TAFA2: variants seen among roughly 807,000 people sequenced by gnomAD.
The protein encoded by TAFA2 is chemokine-like protein TAFA-2.
In TAFA2, 7 loss-of-function variants were observed where a neutral mutation model predicts 18.8. The ratio of observed to expected loss-of-function variants is 0.37; its 90% CI spans 0.21 to 0.70. TAFA2 has a LOEUF of 0.70. Among genes scored for constraint, TAFA2 ranks in the 30% least tolerant of loss-of-function variants. TAFA2 has a pLI of 0.53. For synonymous variants in TAFA2, 60 were observed against 54.2 expected (o/e 1.11, Z -0.47); for missense variants, 122 against 158.1 (o/e 0.77, Z 1.23).
At chr12:61,779,888 A>G (rs914447369) in intron 2 of TAFA2, among the ~76,000 whole-genome samples, 1 of 151,656 alleles carries the variant, frequency 6.6e-6, no homozygotes. Flanking sequence ...TTCCCTTTTT[A>G]TGACTATAAA....
chr12:61,743,650 C>A (rs2120711513), intron 4 of TAFA2, among the ~76,000 whole-genome samples: 1 of 152,196 alleles, frequency 6.6e-6, no homozygotes, highest in Non-Finnish European at 1.5e-5. Context: ...CCACTACTCA[C>A]AGGTGAAGTG....
chr12:62,128,580 C>T (rs944409425), intron 1 of TAFA2, among the ~76,000 whole-genome samples: 21 of 152,026 alleles, frequency 1.4e-4, no homozygotes, highest in Admixed American at 1.3e-3. Context: ...CTGTTCCGCT[C>T]ACCATTCTCA....
intron 1 of TAFA2, among the ~76,000 whole-genome samples, chr12:61,895,798 C>T (rs781631829): frequency 1.1e-4 from 17 of 151,380 alleles, no homozygotes; most frequent in South Asian, 4.2e-4. Flanking sequence ...ACTGGATGAA[C>T]GAGTGAATGA....
At chr12:62,073,964 T>TATA (rs1157601598) in intron 1 of TAFA2, among the ~76,000 whole-genome samples, 1 of 152,256 alleles carries the variant, frequency 6.6e-6, no homozygotes, top group African/African-American at 2.4e-5. Context: ...TGTGCCATAG[T>TATA]ATACAATACA....
intron 1 of TAFA2, among the ~76,000 whole-genome samples, chr12:62,082,760 C>A (rs1218459970): frequency 6.6e-6 from 1 of 152,152 alleles, no homozygotes; most frequent in Non-Finnish European, 1.5e-5. Context: ...GTCACCAACT[C>A]ATCACAGTGG....
chr12:61,960,514 A>G (rs955467049), intron 1 of TAFA2, among the ~76,000 whole-genome samples: 1 of 152,068 alleles, frequency 6.6e-6, no homozygotes, highest in African/African-American at 2.4e-5. Context: ...TCCTGTGAGA[A>G]ATGCTTTACC....
intron 1 of TAFA2, among the ~76,000 whole-genome samples, chr12:62,185,100 T>C (rs1375476459): frequency 1.3e-5 from 2 of 152,244 alleles, no homozygotes; most frequent in South Asian, 2.1e-4. Context: ...TCTGAATGTA[T>C]ATTTATAAGC....
intron 1 of TAFA2, among the ~76,000 whole-genome samples, chr12:62,039,234 C>T (rs535124492): frequency 5.3e-5 from 8 of 152,294 alleles, no homozygotes; most frequent in Middle Eastern, 3.4e-3. Context: ...GTATGGTAAA[C>T]TCTATGCACC....
intron 4 of TAFA2, among the ~76,000 whole-genome samples, chr12:61,737,389 TG>T (rs1868321837): frequency 6.6e-6 from 1 of 151,958 alleles, no homozygotes; most frequent in Admixed American, 6.6e-5. Context: ...TTGACTAAAA[TG>T]GAATGTGTCC....
At chr12:62,197,522 TG>T (rs991646599), upstream of TAFA2, among the ~76,000 whole-genome samples, 9 of 152,204 alleles carry the variant, frequency 5.9e-5, no homozygotes, top group Non-Finnish European at 1.2e-4. Context: ...TTTTGACACA[TG>T]GGTATATCTG....
At chr12:61,971,769 T>C (rs570932503) in intron 1 of TAFA2, among the ~76,000 whole-genome samples, 83 of 150,436 alleles carry the variant, frequency 5.5e-4, no homozygotes, top group Non-Finnish European at 1.1e-3. Context: ...AAATACCTAA[T>C]GTAAATGACG....
rs190347495 is a variant in TAFA2, at chr12:62,116,119, G to C, written c.-2+75140C>G. Among the ~76,000 whole-genome samples the C allele has an allele frequency of 1.9e-3, 296 of 152,286 alleles. 2 individuals are homozygous for C. Among genetic ancestry groups the C allele is most frequent in the Non-Finnish European group, 2.6e-4 (18 of 68,020 alleles). On this transcript the variant is annotated intron_variant, in intron 1 of 4. Coordinates refer to ENST00000416284, the MANE Select transcript of TAFA2 (RefSeq NM_178539.5). ...TCACAAAATTTGGAGGGTGTGCTTG[G>C]AACTCTTTGACTTCAAATACGTACA...
At chr12:61,890,378 C>G (rs1258224333) in intron 1 of TAFA2, 1 of 152,250 alleles carries the variant, frequency 6.6e-6, no homozygotes, top group Non-Finnish European at 1.5e-5. Flanking sequence ...CTTCATACAT[C>G]ACAGCTTCCC....
At chr12:62,243,484 T>G (rs757975243) in intron 1 of TAFA2, among the ~76,000 whole-genome samples, 13 of 152,188 alleles carry the variant, frequency 8.5e-5, no homozygotes, top group Non-Finnish European at 1.2e-4. Context: ...TACATACTCA[T>G]GACTATTTGT....
rs1378930065 is a variant in TAFA2 at position 62,246,729 on chromosome 12, T to C, written c.-130+12034A>G. ...CATTAGTGACTTTTTTTCTAATAAG[T>C]CTTTTTCCCTCAAAGTCTGTATTAT... On this transcript the variant is annotated intron_variant, in intron 1 of 5. Coordinates refer to the TAFA2 transcript ENST00000551619. Among the ~76,000 whole-genome samples, 4 of 152,204 alleles carry C rather than the reference T, an allele frequency of 2.6e-5. No homozygotes were observed. In the South Asian group the frequency reaches 6.2e-4, roughly 24 times the overall value.
intron 1 of TAFA2, among the ~76,000 whole-genome samples, chr12:62,170,867 G>A (rs977494572): frequency 5.3e-5 from 8 of 152,112 alleles, no homozygotes; most frequent in African/African-American, 7.2e-5. Flanking sequence ...TCATCAGGTA[G>A]CAGATTACCT....
At chr12:62,108,747 G>A (rs1565747097) in intron 1 of TAFA2, among the ~76,000 whole-genome samples, 1 of 152,142 alleles carries the variant, frequency 6.6e-6, no homozygotes, top group Non-Finnish European at 1.5e-5. Context: ...GTGATGGTGA[G>A]TTTTTTTACA....
intron 1 of TAFA2, among the ~76,000 whole-genome samples, chr12:61,999,625 T>C (rs910487825): frequency 2.6e-5 from 4 of 152,198 alleles, no homozygotes; most frequent in Non-Finnish European, 5.9e-5. Context: ...CAAGCAAGTA[T>C]TTAATCCACC....
At chr12:62,033,904 A>G (rs554836499) in intron 1 of TAFA2, among the ~76,000 whole-genome samples, 6 of 152,316 alleles carry the variant, frequency 3.9e-5, no homozygotes, top group Non-Finnish European at 7.3e-5. Context: ...GAAAAAATGA[A>G]TACAAAGTTT....
Sources: gnomAD v4.1 joint callset for allele counts (sites outside exome capture counted in the v4.1 genomes callset) on GRCh38, gnomAD v4.1.1 for gene constraint, MANE v1.5 for transcripts, NCBI Gene and HGNC (gene_info 2026-07-23, HGNC 2026-07-21) for gene names.